BNC2: variants seen among roughly 807,000 people sequenced by gnomAD.
BNC2 encodes the protein zinc finger protein basonuclin-2.
BNC2 carries 20 observed loss-of-function variants against 76.3 expected under a neutral mutation model. The ratio of observed to expected loss-of-function variants is 0.26; its 90% confidence interval spans 0.18 to 0.38. The LOEUF (loss-of-function observed/expected upper bound fraction) is 0.38, where lower values mean the gene tolerates loss of function less well. Among genes scored for constraint, BNC2 ranks in the 10% least tolerant of loss-of-function variants. BNC2 has a pLI of 1.00. For missense variants in BNC2, 1,382 were observed against 1,399.8 expected (o/e 0.99, Z 0.20); for synonymous variants, 582 against 514.8 (o/e 1.13, Z -1.77).
At chr9:16,629,963 A>G (rs1821113773) in intron 3 of BNC2, among the ~76,000 whole-genome samples, 1 of 152,176 alleles carries the variant, frequency 6.6e-6, no homozygotes. Context: ...TCCATTCAGA[A>G]AAGATTTCTC....
rs751893163 is a variant in BNC2, at chr9:16,417,335, G to C, written c.*1654C>G. On this transcript the variant is annotated 3_prime_UTR_variant, in exon 7 of 7. Coordinates refer to ENST00000380672, the MANE Select transcript of BNC2 (RefSeq NM_017637.6). ...AAACAAAACAAAACAAAAAAGGTTT[G>C]GAGAATAGTCTCTCTCCTCTTTCTC... The C allele has an allele frequency of 6.6e-6, 1 of 152,502 alleles. No individual in the cohort carries two copies. Among genetic ancestry groups the C allele is most frequent in the Non-Finnish European group, 1.5e-5 (1 of 68,036 alleles). The allele number at this position is 152,502 out of a possible 1,614,324, so 9.4% of individuals were successfully genotyped here. A position where few individuals can be genotyped will look rare whatever the true frequency, so the allele number is the denominator to read the frequency against.
At position 16,870,630 on chromosome 9, in the gene BNC2, G is replaced by T; in HGVS notation, c.3+16C>A. 6.2e-7 allele frequency: 1 copy of T among 1,610,810 alleles called. No individual in the cohort carries two copies. The highest frequency in any genetic ancestry group is 8.5e-7 in the Non-Finnish European group (1 of 1,178,440). On this transcript the variant is annotated intron_variant, in intron 1 of 6. Transcript: ENST00000380672. ...AAGTCTAGAATAAAAGAGGAAGGAGGGTGGAAACTTCTTACCATCTCGGCA... is the reference window on the plus strand; with the variant it reads ...AAGTCTAGAATAAAAGAGGAAGGAGTGTGGAAACTTCTTACCATCTCGGCA...
intron 5 of BNC2, among the ~76,000 whole-genome samples, chr9:16,471,057 G>A (rs1024257037): frequency 2.0e-5 from 3 of 152,168 alleles, no homozygotes; most frequent in East Asian, 1.9e-4. Context: ...AGCCACAAGG[G>A]CGGAGCTGCC....
intron 3 of BNC2, among the ~76,000 whole-genome samples, chr9:16,681,264 T>C (rs1456369784): frequency 6.6e-6 from 1 of 152,178 alleles, no homozygotes; most frequent in Non-Finnish European, 1.5e-5. Context: ...AAACAATTAA[T>C]TTCATACGGT....
At chr9:16,703,747 C>G (rs1219431563) in intron 3 of BNC2, among the ~76,000 whole-genome samples, 1 of 152,060 alleles carries the variant, frequency 6.6e-6, no homozygotes, top group African/African-American at 2.4e-5. Context: ...ATAGGGCACA[C>G]GGGTCCACTC....
intron 5 of BNC2, among the ~76,000 whole-genome samples, chr9:16,468,662 A>G (rs1395789330): frequency 6.6e-6 from 1 of 152,124 alleles, no homozygotes; most frequent in Non-Finnish European, 1.5e-5. Flanking sequence ...AAGTGCTGGG[A>G]TTACAGGTGT....
chr9:16,847,641 G>C (rs72713822), intron 1 of BNC2, among the ~76,000 whole-genome samples: 6 of 152,122 alleles, frequency 3.9e-5, no homozygotes, highest in Non-Finnish European at 1.5e-5. Flanking sequence ...GCTTGTCCGA[G>C]ATATATCAAG....
chr9:16,501,897 A>G (rs1283736306), intron 5 of BNC2, among the ~76,000 whole-genome samples: 1 of 152,216 alleles, frequency 6.6e-6, no homozygotes, highest in Non-Finnish European at 1.5e-5. Flanking sequence ...TTGAATTGCT[A>G]AAGAACAGAG....
intron 3 of BNC2, among the ~76,000 whole-genome samples, chr9:16,711,206 T>C (rs10810595): frequency 0.13 from 19,525 of 152,174 alleles, 1,527 homozygotes; most frequent in South Asian, 0.25. Flanking sequence ...TGATCATTTT[T>C]TTAAATGAAC....
intron 1 of BNC2, among the ~76,000 whole-genome samples, chr9:16,777,334 A>G (rs1825996621): frequency 6.6e-6 from 1 of 152,112 alleles, no homozygotes; most frequent in South Asian, 2.1e-4. Context: ...GTAATATTCA[A>G]AAGACCTGTG....
At chr9:16,777,845 G>C (rs550463125) in intron 1 of BNC2, among the ~76,000 whole-genome samples, 1 of 152,044 alleles carries the variant, frequency 6.6e-6, no homozygotes, top group Non-Finnish European at 1.5e-5. Flanking sequence ...GTGACAATAA[G>C]TATGGTACTC....
chr9:16,715,205 A>AT (rs1265417742), intron 3 of BNC2, among the ~76,000 whole-genome samples: 1 of 152,234 alleles, frequency 6.6e-6, no homozygotes, highest in Non-Finnish European at 1.5e-5. Context: ...GAAATCTTTT[A>AT]TTATTTTAAA....
At chr9:16,857,349 C>T (rs1472489908) in intron 1 of BNC2, among the ~76,000 whole-genome samples, 1 of 151,790 alleles carries the variant, frequency 6.6e-6, no homozygotes, top group African/African-American at 2.4e-5. Flanking sequence ...GGTTGGCAGG[C>T]ACCTGTAATC....
chr9:16,806,789 T>C (rs965658934), intron 1 of BNC2, among the ~76,000 whole-genome samples: 2 of 152,212 alleles, frequency 1.3e-5, no homozygotes, highest in Non-Finnish European at 2.9e-5. Flanking sequence ...CTAATCAGAC[T>C]GAAAACCTGG....
intron 1 of BNC2, among the ~76,000 whole-genome samples, chr9:16,837,028 T>C (rs940351368): frequency 6.6e-6 from 1 of 152,216 alleles, no homozygotes; most frequent in Admixed American, 6.5e-5. Flanking sequence ...CTCTCCCCAC[T>C]GTCCTGGTAT....
chr9:16,867,773 C>G (rs563801262), intron 1 of BNC2: 1 of 138,812 alleles, frequency 7.2e-6, no homozygotes, highest in South Asian at 2.4e-4. Flanking sequence ...TTAAGTTGCT[C>G]TGCTAATTTC....
At chr9:16,685,685 C>G (rs1259980983) in intron 3 of BNC2, 1 of 1,173,738 alleles carries the variant, frequency 8.5e-7, no homozygotes, top group South Asian at 1.3e-5. Flanking sequence ...GAACTGCACA[C>G]AGTCACACTT....
intron 3 of BNC2, among the ~76,000 whole-genome samples, chr9:16,713,943 C>T (rs1438800710): frequency 1.3e-5 from 2 of 152,092 alleles, no homozygotes; most frequent in Non-Finnish European, 2.9e-5. Context: ...GGCATGGTGG[C>T]GTGTATCTAT....
At chr9:16,442,390 C>T (rs565037918) in intron 5 of BNC2, among the ~76,000 whole-genome samples, 3 of 152,220 alleles carry the variant, frequency 2.0e-5, no homozygotes, top group East Asian at 1.9e-4. Context: ...AATCTGGCAC[C>T]CTGTTCCTGT....
Sources: gnomAD v4.1 joint callset for allele counts (sites outside exome capture counted in the v4.1 genomes callset) on GRCh38, gnomAD v4.1.1 for gene constraint, MANE v1.5 for transcripts, NCBI Gene and HGNC (gene_info 2026-07-23, HGNC 2026-07-21) for gene names.